The following PGCKA1 variants were observed in gnomAD, a reference collection of about 807,000 sequenced individuals.
PGCKA1 encodes the protein PDCD10 and GCKIII kinases associated 1.
the PGCKA1 span, among the ~76,000 whole-genome samples, chr4:37,459,063 G>A: frequency 6.6e-6 from 1 of 152,062 alleles, no homozygotes; most frequent in African/African-American, 2.4e-5. Flanking sequence ...TCAGTACCAC[G>A]ACGGAGCTCT....
the PGCKA1 span, among the ~76,000 whole-genome samples, chr4:37,528,128 G>A: frequency 2.0e-5 from 3 of 151,972 alleles, no homozygotes; most frequent in Non-Finnish European, 4.4e-5. Context: ...TAATTATTTC[G>A]AGCACCAACT....
the PGCKA1 span, among the ~76,000 whole-genome samples, chr4:37,474,337 G>T: frequency 3.9e-5 from 6 of 152,014 alleles, no homozygotes; most frequent in African/African-American, 1.2e-4. Context: ...CCCTGACCTC[G>T]AACTTCCCAA....
At chr4:37,536,405 G>A in the PGCKA1 span, among the ~76,000 whole-genome samples, 5 of 152,104 alleles carry the variant, frequency 3.3e-5, no homozygotes, top group Non-Finnish European at 7.3e-5. Context: ...GTTTCTGTAG[G>A]CCAGGAATCT....
chr4:37,521,057 AT>A, the PGCKA1 span, among the ~76,000 whole-genome samples: 3 of 151,464 alleles, frequency 2.0e-5, no homozygotes, highest in African/African-American at 7.3e-5. Flanking sequence ...TTTCAATTTC[AT>A]TTTTTTCTCC....
chr4:37,494,376 C>G, the PGCKA1 span, among the ~76,000 whole-genome samples: 5 of 152,128 alleles, frequency 3.3e-5, no homozygotes, highest in Non-Finnish European at 7.4e-5. Context: ...TGATAACATG[C>G]AATATTTGGT....
chr4:37,592,230 A>T, the PGCKA1 span, among the ~76,000 whole-genome samples: 1 of 140,004 alleles, frequency 7.1e-6, no homozygotes, highest in Non-Finnish European at 1.6e-5. Flanking sequence ...AAAAAAAAAG[A>T]GCTAAGCTAG....
chr4:37,472,796 G>GT, the PGCKA1 span, among the ~76,000 whole-genome samples: 1 of 152,048 alleles, frequency 6.6e-6, no homozygotes, highest in African/African-American at 2.4e-5. Context: ...TCTATGACCA[G>GT]TCCCTATTTT....
chr4:37,506,590 C>CTT, the PGCKA1 span, among the ~76,000 whole-genome samples: 109 of 139,286 alleles, frequency 7.8e-4, no homozygotes, highest in African/African-American at 1.8e-3. Context: ...TCCAAAATTA[C>CTT]TTTTTTTTTT....
the PGCKA1 span, among the ~76,000 whole-genome samples, chr4:37,553,440 C>T: frequency 3.9e-4 from 60 of 152,142 alleles, no homozygotes; most frequent in African/African-American, 1.3e-3. Context: ...CTGTGCACAA[C>T]GTAGACACTT....
At chr4:37,511,360 C>T in the PGCKA1 span, among the ~76,000 whole-genome samples, 1 of 152,142 alleles carries the variant, frequency 6.6e-6, no homozygotes, top group African/African-American at 2.4e-5. Flanking sequence ...CTGCAGCATA[C>T]CACCTGGGTA....
the PGCKA1 span, among the ~76,000 whole-genome samples, chr4:37,569,828 G>A: frequency 6.6e-6 from 1 of 152,066 alleles, no homozygotes; most frequent in Non-Finnish European, 1.5e-5. Flanking sequence ...CCTTTTCCAG[G>A]GAGAAAACCC....
At chr4:37,550,675 T>G in the PGCKA1 span, among the ~76,000 whole-genome samples, 1 of 152,226 alleles carries the variant, frequency 6.6e-6, no homozygotes, top group Non-Finnish European at 1.5e-5. Context: ...TTTCAGACTT[T>G]CTATGATGAA....
the PGCKA1 span, among the ~76,000 whole-genome samples, chr4:37,572,259 G>A: frequency 4.0e-5 from 6 of 150,420 alleles, no homozygotes; most frequent in African/African-American, 9.8e-5. Flanking sequence ...GTAGAGATGG[G>A]GTTTCACCGT....
chr4:37,490,548 A>G, the PGCKA1 span, among the ~76,000 whole-genome samples: 1 of 152,250 alleles, frequency 6.6e-6, no homozygotes, highest in South Asian at 2.1e-4. Flanking sequence ...TAACTCATGG[A>G]GACAGGTAAA....
At chr4:37,557,864 C>G in the PGCKA1 span, among the ~76,000 whole-genome samples, 1 of 152,164 alleles carries the variant, frequency 6.6e-6, no homozygotes, top group African/African-American at 2.4e-5. Context: ...ATGTGAAACC[C>G]CTTGCCTTCC....
At chr4:37,466,469 A>G in the PGCKA1 span, among the ~76,000 whole-genome samples, 4 of 152,162 alleles carry the variant, frequency 2.6e-5, no homozygotes, top group Admixed American at 6.5e-5. Context: ...TTATTTTAAG[A>G]ACAGTGAGAA....
the PGCKA1 span, among the ~76,000 whole-genome samples, chr4:37,481,825 C>G: frequency 6.6e-6 from 1 of 152,142 alleles, no homozygotes; most frequent in East Asian, 1.9e-4. Flanking sequence ...ATAATCCCCA[C>G]GTGTCATGGA....
At chr4:37,529,447 C>A in the PGCKA1 span, among the ~76,000 whole-genome samples, 1 of 152,154 alleles carries the variant, frequency 6.6e-6, no homozygotes, top group Non-Finnish European at 1.5e-5. Flanking sequence ...CCCAGTGGCT[C>A]TATTATCCCA....
the PGCKA1 span, among the ~76,000 whole-genome samples, chr4:37,574,855 C>T: frequency 6.6e-6 from 1 of 152,000 alleles, no homozygotes; most frequent in Admixed American, 6.6e-5. Flanking sequence ...TAAGTGAGAA[C>T]ATGAGAAATT....
Sources: allele counts gnomAD v4.1 joint callset (sites outside exome capture counted in the v4.1 genomes callset), GRCh38; gene constraint gnomAD v4.1.1; transcripts MANE v1.5; gene names NCBI Gene and HGNC (gene_info 2026-07-23, HGNC 2026-07-21).